CCSER1: variants seen among roughly 807,000 people sequenced by gnomAD.
CCSER1 encodes the protein coiled-coil serine rich protein 1.
In CCSER1, 41 loss-of-function variants were observed where a neutral mutation model predicts 82.0. The ratio of observed to expected loss-of-function variants is 0.50; its 90% CI spans 0.39 to 0.65. The LOEUF is 0.65. Ranked by LOEUF, CCSER1 falls within the 30% of genes least tolerant of loss-of-function variation. CCSER1 has a pLI of 0.00. For synonymous variants in CCSER1, 414 were observed against 383.9 expected, an observed-to-expected ratio of 1.08 and a Z score of -0.92; for missense variants, 1,119 against 1,064.2, an observed-to-expected ratio of 1.05 and a Z score of -0.72.
At chr4:90,904,372 C>A (rs1475681264) in intron 8 of CCSER1, among the ~76,000 whole-genome samples, 1 of 152,138 alleles carries the variant, frequency 6.6e-6, no homozygotes, top group Non-Finnish European at 1.5e-5. Context: ...CAAACCTCTG[C>A]TATTTCTCTG....
At chr4:91,331,025 C>G (rs1488711582) in intron 10 of CCSER1, among the ~76,000 whole-genome samples, 1 of 152,028 alleles carries the variant, frequency 6.6e-6, no homozygotes, top group Non-Finnish European at 1.5e-5. Flanking sequence ...CAGGAAAAAC[C>G]ATAGTGTGTG....
At chr4:91,276,883 A>T (rs1375521164) in intron 10 of CCSER1, among the ~76,000 whole-genome samples, 1 of 152,036 alleles carries the variant, frequency 6.6e-6, no homozygotes, top group African/African-American at 2.4e-5. Flanking sequence ...AATTTTTCCA[A>T]ATGCTTTTTT....
At chr4:90,619,610 TTC>T (rs1353973028) in intron 5 of CCSER1, among the ~76,000 whole-genome samples, 2 of 152,072 alleles carry the variant, frequency 1.3e-5, no homozygotes, top group African/African-American at 2.4e-5. Context: ...GCTCTCAACT[TTC>T]TGTCAGTTTT....
intron 1 of CCSER1, among the ~76,000 whole-genome samples, chr4:90,260,276 T>A (rs1724082684): frequency 6.6e-6 from 1 of 152,320 alleles, no homozygotes; most frequent in Admixed American, 6.5e-5. Flanking sequence ...TAGACTTCAG[T>A]GAACTTTTGT....
chr4:90,827,513 C>T (rs1760621856), intron 8 of CCSER1, among the ~76,000 whole-genome samples: 1 of 152,146 alleles, frequency 6.6e-6, no homozygotes. Flanking sequence ...TCACCTACAG[C>T]CACTTCTTCC....
At chr4:91,117,254 T>G (rs999385241) in intron 10 of CCSER1, among the ~76,000 whole-genome samples, 1 of 152,208 alleles carries the variant, frequency 6.6e-6, no homozygotes, top group Non-Finnish European at 1.5e-5. Flanking sequence ...AATTGCAGAT[T>G]ATGAATATGA....
chr4:90,510,057 C>T (rs1437025939), intron 5 of CCSER1, among the ~76,000 whole-genome samples: 1 of 152,130 alleles, frequency 6.6e-6, no homozygotes, highest in East Asian at 1.9e-4. Context: ...AGAACTTTAA[C>T]ATTTCTCCTT....
intron 10 of CCSER1, among the ~76,000 whole-genome samples, chr4:91,365,618 T>C (rs1404357658): frequency 6.6e-6 from 1 of 152,214 alleles, no homozygotes; most frequent in African/African-American, 2.4e-5. Context: ...TATAAAGGAA[T>C]ATTAATTTGA....
chr4:90,240,285 G>T (rs1746598211), intron 1 of CCSER1, among the ~76,000 whole-genome samples: 1 of 152,134 alleles, frequency 6.6e-6, no homozygotes, highest in Non-Finnish European at 1.5e-5. Context: ...CAGAGGGGAG[G>T]GGGCTTCAGG....
chr4:90,615,068 C>T (rs58426919), intron 5 of CCSER1, among the ~76,000 whole-genome samples: 4,312 of 152,136 alleles, frequency 0.028, 120 homozygotes, highest in African/African-American at 0.068. Flanking sequence ...AATGAAGCAA[C>T]GAAGCATAGA....
intron 10 of CCSER1, among the ~76,000 whole-genome samples, chr4:91,430,870 C>A (rs1455469993): frequency 6.6e-6 from 1 of 152,182 alleles, no homozygotes; most frequent in Admixed American, 6.5e-5. Context: ...TGGAAATCCT[C>A]TAGCGTTTTA....
chr4:91,007,922 G>A (rs1738664508), intron 9 of CCSER1, among the ~76,000 whole-genome samples: 1 of 151,824 alleles, frequency 6.6e-6, no homozygotes, highest in Non-Finnish European at 1.5e-5. Flanking sequence ...TATCCCATAG[G>A]TTTTGATATG....
At chr4:91,080,743 C>A (rs7672468) in intron 9 of CCSER1, among the ~76,000 whole-genome samples, 5 of 151,944 alleles carry the variant, frequency 3.3e-5, no homozygotes, top group Non-Finnish European at 5.9e-5. Flanking sequence ...ATATCACCAC[C>A]GATCCCACAG....
intron 7 of CCSER1, among the ~76,000 whole-genome samples, chr4:90,784,542 A>G (rs1004261102): frequency 6.6e-6 from 1 of 152,166 alleles, no homozygotes; most frequent in African/African-American, 2.4e-5. Flanking sequence ...GGGACTATAA[A>G]TCTTTGAAAT....
chr4:91,411,006 A>G (rs909638780), intron 10 of CCSER1, among the ~76,000 whole-genome samples: 2 of 152,106 alleles, frequency 1.3e-5, no homozygotes, highest in Non-Finnish European at 2.9e-5. Flanking sequence ...GATTATAGTT[A>G]TGTGAAGTTA....
chr4:90,558,613 A>C (rs976076967), intron 5 of CCSER1, among the ~76,000 whole-genome samples: 3 of 152,140 alleles, frequency 2.0e-5, no homozygotes, highest in African/African-American at 7.2e-5. Flanking sequence ...GCTTCTGGTA[A>C]CTGAGTACCT....
intron 9 of CCSER1, among the ~76,000 whole-genome samples, chr4:91,057,396 C>T (rs1743546649): frequency 6.6e-6 from 1 of 152,060 alleles, no homozygotes; most frequent in Admixed American, 6.6e-5. Flanking sequence ...TGTTCCCCAC[C>T]CCTTTGTCGT....
rs182709493 is a variant in CCSER1, at chr4:90,962,914, A to T, written c.2172+39467A>T. Among the ~76,000 whole-genome samples the T allele has an allele frequency of 4.6e-4, 70 of 152,308 alleles. No individual in the cohort carries two copies. In the East Asian group the frequency reaches 0.012, roughly 26 times the overall value. On this transcript the variant is annotated intron_variant, in intron 9 of 10. Transcript: ENST00000509176. ...AGGCAATTTATCAGCATTAATGATA[A>T]TGCAGCCAGAGTAGCATGAAAGGAA...
chr4:90,863,096 C>G (rs1018806538), intron 8 of CCSER1, among the ~76,000 whole-genome samples: 4 of 151,454 alleles, frequency 2.6e-5, no homozygotes, highest in East Asian at 2.0e-4. Context: ...CCGCTCCCCC[C>G]ACCCCACAAC....
Sources: allele counts gnomAD v4.1 joint callset (sites outside exome capture counted in the v4.1 genomes callset), GRCh38; gene constraint gnomAD v4.1.1; transcripts MANE v1.5; gene names NCBI Gene and HGNC (gene_info 2026-07-23, HGNC 2026-07-21).